The following DCC variants were observed in gnomAD, a reference collection of about 807,000 sequenced individuals.
DCC encodes DCC netrin 1 receptor.
DCC carries 58 observed loss-of-function variants against 172.5 expected under a neutral mutation model. The ratio of observed to expected loss-of-function variants is 0.34; its 90% CI spans 0.27 to 0.42. The LOEUF (loss-of-function observed/expected upper bound fraction) is 0.42. Among genes scored for constraint, DCC ranks in the 10% least tolerant of loss-of-function variants. The pLI, the probability that DCC is intolerant of heterozygous loss-of-function variation, is 1.00. For missense variants in DCC, 1,740 were observed against 1,791.0 expected (o/e 0.97, Z 0.51); for synonymous variants, 709 against 644.5 (o/e 1.10, Z -1.52).
At chr18:52,580,926 G>A (rs62083391) in intron 1 of DCC, among the ~76,000 whole-genome samples, 2 of 152,236 alleles carry the variant, frequency 1.3e-5, no homozygotes, top group Non-Finnish European at 2.9e-5. Context: ...ATCACATTCA[G>A]GGTTTTTTAA....
intron 2 of DCC, among the ~76,000 whole-genome samples, chr18:52,827,271 A>G (rs2038527043): frequency 1.3e-5 from 2 of 152,210 alleles, no homozygotes; most frequent in South Asian, 2.1e-4. Context: ...CCTAACCCCA[A>G]TTGATAAGCA....
intron 8 of DCC, among the ~76,000 whole-genome samples, chr18:53,169,362 G>C (rs1422751019): frequency 6.6e-6 from 1 of 152,174 alleles, no homozygotes; most frequent in Non-Finnish European, 1.5e-5. Context: ...CCTTGTAAAA[G>C]TCCAAGTGGA....
rs1908144013 is a variant in DCC at position 53,386,095 on chromosome 18, A to C, written c.2412A>C (p.Glu804Asp). Reference sequence around the variant, plus strand: ...TAAAAGCTTTTAACAATGCCGGAGAAGGAGTTCCTCTTTATGAAAGTGCCA... The same window carrying C: ...TAAAAGCTTTTAACAATGCCGGAGACGGAGTTCCTCTTTATGAAAGTGCCA... The part of the protein sequence containing the change: ...ISLKAFNNAG[E>D]GVPLYESATT... Residue 804 changes from glutamate (E) to aspartate (D), a missense_variant, in exon 16 of 29, where the codon GAA becomes GAC. Glu to Asp is a conservative substitution (Grantham distance 45). Transcript: ENST00000442544. 1.2e-6 allele frequency: 2 copies of C among 1,613,688 alleles called. No individual in the cohort carries two copies. Among genetic ancestry groups the C allele is most frequent in the Non-Finnish European group, 1.7e-6 (2 of 1,179,628 alleles).
chr18:52,578,675 A>C (rs910881933), intron 1 of DCC, among the ~76,000 whole-genome samples: 2 of 152,194 alleles, frequency 1.3e-5, no homozygotes, highest in Admixed American at 6.5e-5. Flanking sequence ...CTGAAAGCAC[A>C]CTAAAAGAAA....
At chr18:52,931,601 T>C (rs2040307579) in intron 5 of DCC, among the ~76,000 whole-genome samples, 1 of 152,108 alleles carries the variant, frequency 6.6e-6, no homozygotes. Context: ...TAAATATAAT[T>C]TGAAGCTTAG....
chr18:52,357,752 C>T (rs561615071), intron 1 of DCC, among the ~76,000 whole-genome samples: 21 of 151,724 alleles, frequency 1.4e-4, no homozygotes, highest in Non-Finnish European at 2.4e-4. Flanking sequence ...CTGGCTAACA[C>T]GGTGAAACCC....
chr18:53,292,165 T>A (rs974266562), intron 12 of DCC, among the ~76,000 whole-genome samples: 1 of 144,056 alleles, frequency 6.9e-6, no homozygotes, highest in African/African-American at 2.5e-5. Flanking sequence ...CATTTGGGGA[T>A]CATTTTCTTA....
At chr18:53,381,103 C>T (rs560420693) in intron 15 of DCC, among the ~76,000 whole-genome samples, 1 of 52,376 alleles carries the variant, frequency 1.9e-5, no homozygotes, top group East Asian at 3.2e-4. Context: ...TGACAGTTAC[C>T]TCAAATTTAT....
At chr18:53,196,407 C>T (rs1293941156) in intron 9 of DCC, among the ~76,000 whole-genome samples, 3 of 152,172 alleles carry the variant, frequency 2.0e-5, no homozygotes, top group African/African-American at 7.2e-5. Context: ...ACATACTTCA[C>T]AAGGTTATTA....
At chr18:52,690,190 C>A (rs1202364463) in intron 1 of DCC, among the ~76,000 whole-genome samples, 4 of 152,124 alleles carry the variant, frequency 2.6e-5, no homozygotes, top group African/African-American at 9.7e-5. Context: ...CACACGTTTG[C>A]CGCTTTAAGT....
chr18:52,587,156 T>C (rs2033694022), intron 1 of DCC, among the ~76,000 whole-genome samples: 2 of 152,318 alleles, frequency 1.3e-5, no homozygotes, highest in South Asian at 4.1e-4. Flanking sequence ...GGTAGCTGGC[T>C]GATCACCCTG....
At chr18:53,429,400 T>C (rs1316473240) in intron 21 of DCC, among the ~76,000 whole-genome samples, 2 of 119,544 alleles carry the variant, frequency 1.7e-5, no homozygotes, top group Non-Finnish European at 4.1e-5. Context: ...TTCTATTTTG[T>C]ATCCTGGTAT....
At chr18:52,940,045 A>G (rs2040436353) in intron 5 of DCC, among the ~76,000 whole-genome samples, 1 of 152,208 alleles carries the variant, frequency 6.6e-6, no homozygotes, top group Non-Finnish European at 1.5e-5. Context: ...GCCTGCTGAA[A>G]CAGAACCTGT....
chr18:52,880,572 T>A (rs2039470292), intron 2 of DCC, among the ~76,000 whole-genome samples: 1 of 152,212 alleles, frequency 6.6e-6, no homozygotes, highest in Non-Finnish European at 1.5e-5. Context: ...GTCAATTGTT[T>A]TGATATTTTA....
intron 11 of DCC, 125 bp from the exon 12 acceptor site, chr18:53,215,423 G>A: frequency 1.2e-6 from 1 of 818,874 alleles, no homozygotes; most frequent in Non-Finnish European, 2.1e-6. Context: ...TACTACCTGG[G>A]TTAACCTACC....
chr18:52,947,713 G>A (rs534241395), intron 5 of DCC, among the ~76,000 whole-genome samples: 6 of 152,260 alleles, frequency 3.9e-5, no homozygotes, highest in Non-Finnish European at 5.9e-5. Flanking sequence ...TTATGGAAGG[G>A]GCCGTTCCAT....
intron 5 of DCC, among the ~76,000 whole-genome samples, chr18:52,998,596 C>A (rs998148616): frequency 6.6e-6 from 1 of 152,002 alleles, no homozygotes; most frequent in East Asian, 1.9e-4. Flanking sequence ...GAAATTGCAA[C>A]TAGAAGAGAA....
At chr18:53,313,688 G>C (rs2144806867) in intron 13 of DCC, among the ~76,000 whole-genome samples, 1 of 152,288 alleles carries the variant, frequency 6.6e-6, no homozygotes, top group East Asian at 1.9e-4. Context: ...GTCTGATGTA[G>C]TGATCATAGA....
intron 27 of DCC, among the ~76,000 whole-genome samples, chr18:53,515,405 C>T (rs1266985887): frequency 1.3e-5 from 2 of 150,878 alleles, no homozygotes; most frequent in African/African-American, 4.8e-5. Context: ...GGGATGCCCT[C>T]TCTCACCACT....
Sources: allele counts gnomAD v4.1 joint callset (sites outside exome capture counted in the v4.1 genomes callset), GRCh38; gene constraint gnomAD v4.1.1; transcripts MANE v1.5; gene names NCBI Gene and HGNC (gene_info 2026-07-23, HGNC 2026-07-21).